The following MACF1 variants were observed in gnomAD, a reference collection of about 807,000 sequenced individuals.
MACF1 encodes the protein microtubule-actin cross-linking factor 1.
A neutral mutation model predicts 854.8 loss-of-function variants in MACF1; 193 were observed. The ratio of observed to expected loss-of-function variants is 0.23; its 90% CI spans 0.20 to 0.25. MACF1 has a LOEUF of 0.25. MACF1 is among the 10% of genes least tolerant of loss of function. The pLI is 1.00. For missense variants in MACF1, 7,722 were observed against 8,929.1 expected (o/e 0.86, Z 5.45); for synonymous variants, 3,185 against 3,226.7 (o/e 0.99, Z 0.44).
Position 39,360,806 on chromosome 1 carries a change from C to A in MACF1, c.12258C>A (p.Ser4086Arg), listed in dbSNP as rs757848384. 1 of 1,607,388 alleles carries A rather than the reference C, an allele frequency of 6.2e-7. No homozygotes were observed. Among genetic ancestry groups the A allele is most frequent in the Non-Finnish European group, 8.5e-7 (1 of 1,176,398 alleles). ...CTGATTTTTCAGATTCCATACTCAG[C>A]CACTTCCAAAGCCTCTCCTATAGCC... The part of the protein sequence containing the change: ...HVQETTDSIL[S>R]HFQSLSYSLA... The change falls in exon 48 of 101, where the codon AGC becomes AGA. Residue 4086 changes from serine (S) to arginine (R), a missense_variant. Ser to Arg is a moderately radical substitution (Grantham distance 110). Around this residue, in one of 15 missense-constraint regions of MACF1, gnomAD observed 2,807 missense variants for 3,235.8 expected, o/e 0.87. Transcript: ENST00000564288.
At chr1:39,119,694 C>G (rs986286433) in intron 2 of MACF1, among the ~76,000 whole-genome samples, 9 of 152,080 alleles carry the variant, frequency 5.9e-5, no homozygotes, top group Non-Finnish European at 1.2e-4. Flanking sequence ...CTCCCTGCTC[C>G]TGGACCTGCC....
intron 2 of MACF1, among the ~76,000 whole-genome samples, chr1:39,091,788 C>T (rs1336768399): frequency 2.6e-5 from 4 of 152,188 alleles, no homozygotes; most frequent in Non-Finnish European, 5.9e-5. Flanking sequence ...CCACTGCACC[C>T]GGCTGCCCTT....
chr1:39,401,536 C>T (rs544619003), intron 58 of MACF1, among the ~76,000 whole-genome samples: 6 of 152,326 alleles, frequency 3.9e-5, no homozygotes, highest in East Asian at 3.9e-4. Flanking sequence ...GTCTGCCAAT[C>T]TCATACCAGA....
At chr1:39,360,719 A>AATAT in intron 47 of MACF1, 74 bp from the exon 48 acceptor site, 1 of 440,426 alleles carries the variant, frequency 2.3e-6, no homozygotes, top group Non-Finnish European at 3.7e-6. Context: ...ATTTAATAAT[A>AATAT]TTAATAATAA....
chr1:39,412,075 C>A, intron 58 of MACF1: 1 of 1,613,996 alleles, frequency 6.2e-7, no homozygotes, highest in Admixed American at 1.7e-5. Flanking sequence ...AGGAGGACTG[C>A]TGAACTCTGA....
At chr1:39,343,380 G>A (rs893388334) in intron 40 of MACF1, among the ~76,000 whole-genome samples, 3 of 152,102 alleles carry the variant, frequency 2.0e-5, no homozygotes, top group African/African-American at 7.2e-5. Context: ...TCTTTATCAC[G>A]CAAGAGTTGA....
chr1:39,448,109 C>T lies in MACF1; in HGVS notation c.20045C>T (p.Ser6682Phe). The change falls in exon 83 of 101, where the codon TCC (serine) becomes TTC (phenylalanine). Residue 6682 changes from serine (S) to phenylalanine (F), a missense_variant. Physicochemically the swap from Ser to Phe is radical, Grantham distance 155 (BLOSUM62 -2). Around this residue, in one of 15 missense-constraint regions of MACF1, gnomAD observed 729 missense variants for 900.5 expected, o/e 0.81. Transcript: ENST00000564288. ...ESHLDSELEI[S>F]NDPDKIKLQL... Reference sequence around the variant, plus strand: ...CACCTGGACTCAGAACTAGAGATATCCAATGACCCAGACAAAATTAAACTT... The same window carrying T: ...CACCTGGACTCAGAACTAGAGATATTCAATGACCCAGACAAAATTAAACTT... 1 of 1,614,064 alleles carries T rather than the reference C, an allele frequency of 6.2e-7. No individual in the cohort carries two copies. The highest frequency in any genetic ancestry group is 8.5e-7 in the Non-Finnish European group (1 of 1,179,960).
chr1:39,245,203 C>T (rs1644969237), intron 2 of MACF1, among the ~76,000 whole-genome samples: 2 of 152,130 alleles, frequency 1.3e-5, no homozygotes, highest in African/African-American at 4.8e-5. Context: ...TTCAAGTTGC[C>T]TCCTTTGTCT....
chr1:39,484,077 C>T (rs1384396796), intron 99 of MACF1, among the ~76,000 whole-genome samples: 2 of 152,182 alleles, frequency 1.3e-5, no homozygotes, highest in African/African-American at 4.8e-5. Flanking sequence ...GGTGTGAACC[C>T]AGGAGGCAGA....
rs1279451458 is a variant in MACF1, at chr1:39,424,448, AATC to A, written c.16316+257_16316+259del. Among the ~76,000 whole-genome samples the A allele has an allele frequency of 3.3e-5, 5 of 152,270 alleles. No homozygotes were observed. The East Asian group carries it at 7.7e-4, about 24-fold the overall frequency. Reference sequence around the variant, plus strand: ...CTGTGTGGTTGTTCTGCTGTAGTATAATCATAGTTCCAAATGACAGACACAGAC... The same window carrying A: ...CTGTGTGGTTGTTCTGCTGTAGTATAATAGTTCCAAATGACAGACACAGAC... On this transcript the variant is annotated intron_variant, in intron 61 of 100. Transcript: ENST00000564288.
At position 39,361,495 on chromosome 1, in the gene MACF1, T is replaced by C. The variant is rs779982488; in HGVS notation, c.12589T>C (p.Phe4197Leu). ...CAAACTGGCAGAGGTGAGCCAGCGG[T>C]TCGAACAGCTCTGTCTACAGCAGCA... is the stretch of plus-strand genomic sequence containing the variant. ...QGKLAEVSQR[F>L]EQLCLQQQEK... is the part of the protein sequence containing the mutation. Residue 4197 changes from phenylalanine (F) to leucine (L), a missense_variant, in exon 49 of 101, where the codon TTC becomes CTC. This residue lies in a region of MACF1 where 2,807 missense variants were observed against 3,235.8 expected (regional missense o/e 0.87). Transcript: ENST00000564288. 3.1e-6 allele frequency: 5 copies of C among 1,614,130 alleles called. No individual in the cohort carries two copies. The highest frequency in any genetic ancestry group is 4.2e-6 in the Non-Finnish European group (5 of 1,180,030).
At chr1:39,346,080 AAG>A (rs1647039406) in intron 40 of MACF1, among the ~76,000 whole-genome samples, 1 of 147,488 alleles carries the variant, frequency 6.8e-6, no homozygotes, top group African/African-American at 2.5e-5. Context: ...AAAAAAAAAA[AAG>A]GCCAGGCATG....
intron 1 of MACF1, among the ~76,000 whole-genome samples, chr1:39,216,387 G>C (rs1277217844): frequency 6.6e-6 from 1 of 152,056 alleles, no homozygotes; most frequent in African/African-American, 2.4e-5. Flanking sequence ...TCTTAGTTTG[G>C]GAACCACTGG....
At chr1:39,410,362 G>A (rs1486182068) in intron 58 of MACF1, 1 of 1,613,910 alleles carries the variant, frequency 6.2e-7, no homozygotes, top group Non-Finnish European at 8.5e-7. Flanking sequence ...GGACTGCTAT[G>A]TTCCACAACG....
chr1:39,169,763 T>G (rs1643921357), intron 2 of MACF1, among the ~76,000 whole-genome samples: 2 of 134,264 alleles, frequency 1.5e-5, no homozygotes, highest in South Asian at 5.2e-4. Context: ...TGCCCTTTCT[T>G]TCTTTCTTTC....
At chr1:39,464,464 T>C (rs767305278) in intron 94 of MACF1, 1 of 153,722 alleles carries the variant, frequency 6.5e-6, no homozygotes, top group Non-Finnish European at 1.4e-5. Flanking sequence ...CTGCTTTGAA[T>C]ATAACCTAGG....
chr1:39,233,621 C>T (rs1015264153), intron 2 of MACF1, among the ~76,000 whole-genome samples: 4 of 151,918 alleles, frequency 2.6e-5, no homozygotes, highest in African/African-American at 9.7e-5. Flanking sequence ...CTTAGGGCCA[C>T]TTGTTTAGTG....
rs199646856 is a variant in MACF1, at chr1:39,337,194, C to A, written c.10078C>A (p.Arg3360=). ...PFRATQNVFT[R]QLCLEHDEKL... ...TTTGGCTCCACAGAATGTATTTACC[C>A]GGCAACTCTGTTTAGAACATGATGA... The change falls in exon 38 of 101, where the codon CGG becomes AGG. Residue 3360 remains arginine (R), a synonymous_variant. Coordinates refer to ENST00000564288, the MANE Select transcript of MACF1 (RefSeq NM_001394062.1). 1.2e-6 allele frequency: 2 copies of A among 1,612,560 alleles called. No individual in the cohort carries two copies. The highest frequency in any genetic ancestry group is 1.7e-6 in the Non-Finnish European group (2 of 1,179,282).
intron 43 of MACF1, among the ~76,000 whole-genome samples, chr1:39,352,181 T>C (rs1231172310): frequency 6.6e-6 from 1 of 152,160 alleles, no homozygotes; most frequent in African/African-American, 2.4e-5. Context: ...AATTTTGAAA[T>C]AGATTAATAT....
Sources: allele counts gnomAD v4.1 joint callset (sites outside exome capture counted in the v4.1 genomes callset), GRCh38; gene constraint gnomAD v4.1.1; regional missense constraint gnomAD v4.1.1; transcripts MANE v1.5; gene names NCBI Gene and HGNC (gene_info 2026-07-23, HGNC 2026-07-21).